The following SMU1 variants were observed in gnomAD, a reference collection of about 807,000 sequenced individuals.
SMU1 encodes the protein SMU1 DNA replication regulator and spliceosomal factor, also known as WD40 repeat-containing protein SMU1.
SMU1 carries 2 observed loss-of-function variants against 62.0 expected under a neutral mutation model. The ratio of observed to expected loss-of-function variants is 0.03; its 90% CI spans 0.01 to 0.10. The LOEUF is 0.10. Ranked by LOEUF, SMU1 falls within the 10% of genes least tolerant of loss-of-function variation. SMU1 has a pLI of 1.00. For synonymous variants in SMU1, 188 were observed against 212.4 expected, an observed-to-expected ratio of 0.89 and a Z score of 1.00; for missense variants, 227 against 622.1, an observed-to-expected ratio of 0.36 and a Z score of 6.76.
chr9:33,043,983 A>G lies in SMU1; in HGVS notation c.*3310T>C, dbSNP rs1587704053. On this transcript the variant is annotated 3_prime_UTR_variant, in exon 12 of 12. Coordinates refer to ENST00000397149, the MANE Select transcript of SMU1 (RefSeq NM_018225.3). Reference sequence around the variant, plus strand: ...CTGAATTGTACCTGAGATTTATACCATTTGCTGTTAAAAAAAAAAAAAAAA... The same window carrying G: ...CTGAATTGTACCTGAGATTTATACCGTTTGCTGTTAAAAAAAAAAAAAAAA... 9.6e-6 allele frequency: 1 copy of G among 104,138 alleles called. No individual in the cohort carries two copies. The highest frequency in any genetic ancestry group is 2.7e-4 in the East Asian group (1 of 3,688). The allele number at this position is 104,138 out of a possible 1,614,324, so 6.5% of individuals were successfully genotyped here. A position where few individuals can be genotyped will look rare whatever the true frequency, so the allele number is the denominator to read the frequency against.
intron 4 of SMU1, among the ~76,000 whole-genome samples, chr9:33,065,701 A>C (rs766522782): frequency 7.9e-5 from 12 of 152,196 alleles, no homozygotes; most frequent in Non-Finnish European, 8.8e-5. Context: ...CAGGGCTGAA[A>C]ACAGGGGCAA....
At chr9:33,068,783 G>A (rs917269865) in intron 4 of SMU1, 41 bp downstream of exon 4, 6 of 1,606,672 alleles carry the variant, frequency 3.7e-6, no homozygotes, top group Non-Finnish European at 5.1e-6. Context: ...AGGATGACAG[G>A]TGTGAGCCAC....
At chr9:33,048,565 A>C (rs939147900) in intron 10 of SMU1, among the ~76,000 whole-genome samples, 1 of 152,216 alleles carries the variant, frequency 6.6e-6, no homozygotes, top group Non-Finnish European at 1.5e-5. Context: ...ACAATTTTCT[A>C]AATCAATATA....
intron 10 of SMU1, among the ~76,000 whole-genome samples, chr9:33,051,736 T>C (rs1250676160): frequency 6.6e-6 from 1 of 152,172 alleles, no homozygotes; most frequent in Non-Finnish European, 1.5e-5. Context: ...AGATGTAGCA[T>C]GAGAGTTTCT....
In SMU1 at chr9:33,068,502, CTTTTTAAATTTATTTTTA is replaced by C. The variant is rs1410256642; in HGVS notation, c.501+304_501+321del. On this transcript the variant is annotated intron_variant, in intron 4 of 11. Coordinates refer to ENST00000397149, the MANE Select transcript of SMU1 (RefSeq NM_018225.3). Reference sequence around the variant, plus strand: ...ATTAGGAAATTGTACCAGGAGTTCACTTTTTAAATTTATTTTTATTTTTGGAGACAGGGTCTCACTCTG... The same window carrying C: ...ATTAGGAAATTGTACCAGGAGTTCACTTTTTGGAGACAGGGTCTCACTCTG... Among the ~76,000 whole-genome samples the C allele has an allele frequency of 3.9e-5, 6 of 152,130 alleles. No homozygotes were observed. In the East Asian group the frequency reaches 5.8e-4, roughly 15 times the overall value.
intron 4 of SMU1, among the ~76,000 whole-genome samples, chr9:33,064,704 TCTTC>T (rs1480370342): frequency 6.6e-6 from 1 of 152,048 alleles, no homozygotes; most frequent in Admixed American, 6.6e-5. Context: ...CTCTCAACAT[TCTTC>T]CTTTCCAAAG....
intron 4 of SMU1, among the ~76,000 whole-genome samples, chr9:33,066,042 C>T (rs1455236619): frequency 6.6e-6 from 1 of 152,150 alleles, no homozygotes; most frequent in East Asian, 1.9e-4. Context: ...CTGACCAGCC[C>T]AAGAGAACAT....
intron 4 of SMU1, among the ~76,000 whole-genome samples, chr9:33,067,671 G>T (rs920875919): frequency 8.6e-5 from 13 of 151,820 alleles, no homozygotes; most frequent in African/African-American, 3.1e-4. Context: ...GCTAATTTTT[G>T]TATTTTTAGT....
intron 8 of SMU1, 82 bp downstream of exon 8, chr9:33,056,755 A>G (rs149956356): frequency 1.4e-6 from 2 of 1,442,640 alleles, no homozygotes; most frequent in East Asian, 4.6e-5. Context: ...TCATGGTAAA[A>G]GCGTAAGGAA....
At chr9:33,051,353 A>C (rs1839246909) in intron 10 of SMU1, among the ~76,000 whole-genome samples, 1 of 152,178 alleles carries the variant, frequency 6.6e-6, no homozygotes. Flanking sequence ...ATTTCTGGGA[A>C]GTGAAACTAC....
intron 1 of SMU1, among the ~76,000 whole-genome samples, chr9:33,074,770 C>A (rs1839525702): frequency 7.3e-6 from 1 of 137,040 alleles, no homozygotes; most frequent in Admixed American, 7.5e-5. Context: ...AGCAAACATC[C>A]TCTTTTTTTT....
At position 33,076,559 on chromosome 9, in the gene SMU1, G is replaced by A. The variant is rs977359058; in HGVS notation, c.26+24C>T. 3 of 1,613,270 alleles carry A rather than the reference G, an allele frequency of 1.9e-6. No homozygotes were observed. The African/African-American group carries it at 4.0e-5, about 22-fold the overall frequency. On this transcript the variant is annotated intron_variant, in intron 1 of 11. Coordinates refer to ENST00000397149, the MANE Select transcript of SMU1 (RefSeq NM_018225.3). ...AACCTCCAGGCCCCCGGCAAGGCGC[G>A]AACATCCCCACCGCAGGACTCACTC... is the stretch of plus-strand genomic sequence containing the variant.
chr9:33,056,243 C>T lies in SMU1; in HGVS notation c.996-4G>A, dbSNP rs775240028. On this transcript the variant is annotated splice_polypyrimidine_tract_variant and splice_region_variant and intron_variant, in intron 8 of 11. Coordinates refer to ENST00000397149, the MANE Select transcript of SMU1 (RefSeq NM_018225.3). ...CCCAGATTTTAAACCATGAATTCTA[C>T]CAAATGAAAGTAAATGAAAAGAACA... 1.2e-6 allele frequency: 2 copies of T among 1,608,134 alleles called. No homozygotes were observed. The highest frequency in any genetic ancestry group is 2.7e-5 in the African/African-American group (2 of 74,640).
At position 33,044,920 on chromosome 9, in the gene SMU1, T is replaced by C. The variant is rs1839168538; in HGVS notation, c.*2373A>G. 2 of 152,244 alleles carry C rather than the reference T, an allele frequency of 1.3e-5. No homozygotes were observed. The highest frequency in any genetic ancestry group is 1.3e-4 in the Admixed American group (2 of 15,264). The allele number at this position is 152,244 out of a possible 1,614,324, so 9.4% of individuals were successfully genotyped here. ...CGCCCCCTAGTCCCTCCAGGAAGCC[T>C]TTCCCAACCCTTTCGCGTTAACTGC... is the stretch of plus-strand genomic sequence containing the variant. On this transcript the variant is annotated 3_prime_UTR_variant, in exon 12 of 12. Coordinates refer to ENST00000397149, the MANE Select transcript of SMU1 (RefSeq NM_018225.3).
intron 2 of SMU1, among the ~76,000 whole-genome samples, chr9:33,072,968 T>C (rs1839504487): frequency 6.6e-6 from 1 of 152,178 alleles, no homozygotes; most frequent in Non-Finnish European, 1.5e-5. Flanking sequence ...TTGTCCTAGG[T>C]TCTTGGCTTG....
rs745700965 is a variant in SMU1 at position 33,047,262 on chromosome 9, C to T, written c.*31G>A. On this transcript the variant is annotated 3_prime_UTR_variant, in exon 12 of 12. Transcript: ENST00000397149. ...TGAATATGCTTCATTTAAGTACATG[C>T]TTTCGAGCTGATTTAAAAAGAAAAG... is the stretch of plus-strand genomic sequence containing the variant. The T allele has an allele frequency of 2.0e-6, 3 of 1,488,886 alleles. No homozygotes were observed. Among genetic ancestry groups the T allele is most frequent in the South Asian group, 2.3e-5 (2 of 87,154 alleles). The allele number at this position is 1,488,886 out of a possible 1,614,324, so 92.2% of individuals were successfully genotyped here. A position where few individuals can be genotyped will look rare whatever the true frequency, so the allele number is the denominator to read the frequency against.
chr9:33,071,220 G>A (rs1839482721), intron 3 of SMU1, among the ~76,000 whole-genome samples: 1 of 152,028 alleles, frequency 6.6e-6, no homozygotes, highest in South Asian at 2.1e-4. Context: ...GGGTGGGCAG[G>A]AAGAATGAAA....
intron 4 of SMU1, among the ~76,000 whole-genome samples, chr9:33,065,223 A>T (rs1839406753): frequency 6.6e-6 from 1 of 152,186 alleles, no homozygotes; most frequent in African/African-American, 2.4e-5. Flanking sequence ...ACTTCAAAAC[A>T]TCTAAAAACG....
intron 11 of SMU1, among the ~76,000 whole-genome samples, chr9:33,047,750 T>C (rs182544883): frequency 6.6e-6 from 1 of 151,936 alleles, no homozygotes; most frequent in Non-Finnish European, 1.5e-5. Flanking sequence ...TCCCAGTTAC[T>C]TGGGAGGCTG....
Sources: gnomAD v4.1 joint callset for allele counts (sites outside exome capture counted in the v4.1 genomes callset) on GRCh38, gnomAD v4.1.1 for gene constraint, MANE v1.5 for transcripts, NCBI Gene and HGNC (gene_info 2026-07-23, HGNC 2026-07-21) for gene names.